The following UBR4 variants were observed in gnomAD, a reference collection of about 807,000 sequenced individuals.
UBR4 encodes the protein E3 ubiquitin-protein ligase UBR4.
UBR4 carries 124 observed loss-of-function variants against 575.6 expected under a neutral mutation model. The ratio of observed to expected loss-of-function variants is 0.22; its 90% CI spans 0.19 to 0.25. UBR4 has a LOEUF of 0.25. Ranked by LOEUF, UBR4 falls within the 10% of genes least tolerant of loss-of-function variation. The probability of loss-of-function intolerance (pLI) is 1.00; values close to 1 mark genes in which losing one functional copy is unlikely to be tolerated. For synonymous variants in UBR4, 2,455 were observed against 2,473.7 expected (o/e 0.99, Z 0.22); for missense variants, 4,818 against 6,478.8 (o/e 0.74, Z 8.80).
chr1:19,088,032 A>G lies in UBR4; in HGVS notation c.14431-103T>C. The G allele has an allele frequency of 1.2e-6, 1 of 845,332 alleles. No homozygotes were observed. The highest frequency in any genetic ancestry group is 1.9e-6 in the Non-Finnish European group (1 of 515,978). The allele number at this position is 845,332 out of a possible 1,614,324, so 52.4% of individuals were successfully genotyped here. ...CAGGGCTAACCTTCTACCTCCACTA[A>G]AAGGACAGGTGCATGAGAGGAAAGC... On this transcript the variant is annotated intron_variant, in intron 98 of 105. Transcript: ENST00000375254. The surrounding 1 kb of genome is among the most constrained non-coding windows in gnomAD (Gnocchi z 4.0).
In UBR4 at chr1:19,138,031, T is replaced by C; in HGVS notation, c.8882A>G (p.Glu2961Gly). Reference protein sequence around the residue: ...GSEGEGEGETEGDVHTSNRLH... With the variant: ...GSEGEGEGETGGDVHTSNRLH... The stretch of plus-strand genomic sequence containing the variant: ...CCTGTTGCTAGTGTGGACATCTCCT[T>C]CAGTTTCTCCTTCTCCTTCTCCCTC... Residue 2961 changes from glutamate (E) to glycine (G), a missense_variant, in exon 60 of 106, where the codon GAA becomes GGA. Transcript: ENST00000375254. The C allele has an allele frequency of 6.4e-7, 1 of 1,571,596 alleles. No individual in the cohort carries two copies. The highest frequency in any genetic ancestry group is 8.7e-7 in the Non-Finnish European group (1 of 1,153,578).
intron 39 of UBR4, 114 bp from the exon 40 acceptor site, chr1:19,158,111 T>C (rs2086694407): frequency 4.2e-6 from 5 of 1,196,232 alleles, no homozygotes; most frequent in East Asian, 2.4e-5. Flanking sequence ...TCAAAAGCAG[T>C]GATTTCGGCC....
chr1:19,184,282 A>G, intron 15 of UBR4, 107 bp from the exon 16 acceptor site: 1 of 1,177,724 alleles, frequency 8.5e-7, no homozygotes, highest in Non-Finnish European at 1.2e-6. Flanking sequence ...GTATCCTGCA[A>G]TAAACACAAT....
At chr1:19,201,688 A>C in intron 2 of UBR4, 30 bp downstream of exon 2, 1 of 1,584,046 alleles carries the variant, frequency 6.3e-7, no homozygotes, top group Admixed American at 1.7e-5. Flanking sequence ...ACAAGCCCTC[A>C]GAAGGGAAGG....
chr1:19,192,967 G>C (rs925428258), intron 9 of UBR4, among the ~76,000 whole-genome samples: 5 of 152,082 alleles, frequency 3.3e-5, no homozygotes, highest in African/African-American at 1.2e-4. Flanking sequence ...ATTTTTAGTA[G>C]AGACAGGGTT....
At chr1:19,204,546 A>G (rs937765353) in intron 1 of UBR4, among the ~76,000 whole-genome samples, 1 of 151,538 alleles carries the variant, frequency 6.6e-6, no homozygotes, top group Non-Finnish European at 1.5e-5. Context: ...ATATATATAT[A>G]TATAGGAGTA....
At chr1:19,198,747 A>G in intron 4 of UBR4, 52 bp downstream of exon 4, 1 of 1,612,516 alleles carries the variant, frequency 6.2e-7, no homozygotes, top group Non-Finnish European at 8.5e-7. Context: ...GTGCCATGGA[A>G]AAGGTGCCAT....
At chr1:19,162,384 C>T (rs758049700) in intron 35 of UBR4, 36 bp downstream of exon 35, 1 of 1,588,102 alleles carries the variant, frequency 6.3e-7, no homozygotes, top group Non-Finnish European at 8.6e-7. Flanking sequence ...TAGTCATTAC[C>T]TTGAGAGGTT....
Position 19,152,598 on chromosome 1 carries a change from A to C in UBR4, c.6833-122T>G. 1 of 1,322,390 alleles carries C rather than the reference A, an allele frequency of 7.6e-7. No homozygotes were observed. The highest frequency in any genetic ancestry group is 1.5e-5 in the African/African-American group (1 of 68,352). The allele number at this position is 1,322,390 out of a possible 1,614,324, so 81.9% of individuals were successfully genotyped here. On this transcript the variant is annotated intron_variant, in intron 46 of 105. Coordinates refer to ENST00000375254, the MANE Select transcript of UBR4 (RefSeq NM_020765.3). This position sits in a 1 kb window ranked among gnomAD's most constrained non-coding sequence, Gnocchi z 4.4. ...CTAATCTAAGCAAACTCTGGATTAT[A>C]ACATTTGCATCGGCATGATGCCTAC...
In UBR4 at chr1:19,112,594, C is replaced by G; in HGVS notation, c.11731G>C (p.Asp3911His). The change falls in exon 78 of 106, where the codon GAT (aspartate) becomes CAT (histidine). Residue 3911 changes from aspartate to histidine, a missense_variant. This residue lies in a region of UBR4 where 333 missense variants were observed against 459.2 expected (regional missense o/e 0.73). Transcript: ENST00000375254. ...VSQGLIRELF[D>H]YNLRRGAAAM... ...GCAGCCCCTCGGCGAAGATTATAAT[C>G]AAAGAGCTCCCGGATAAGGCCCTGG... 6.2e-7 allele frequency: 1 copy of G among 1,614,244 alleles called. No individual in the cohort carries two copies.
rs1394182099 is a variant in UBR4, at chr1:19,201,492, G to A, written c.274+226C>T. Among the ~76,000 whole-genome samples, 5 of 152,314 alleles carry A rather than the reference G, an allele frequency of 3.3e-5. No individual in the cohort carries two copies. In the East Asian group the frequency reaches 9.6e-4, roughly 29 times the overall value. On this transcript the variant is annotated intron_variant, in intron 2 of 105. Transcript: ENST00000375254. ...AGGAGGTGGACTTAATACTTATAAA[G>A]CAGGTGTCCAAGCCAAGTAGTTTTA...
Position 19,076,855 on chromosome 1 carries a change from A to G in UBR4, c.15372T>C (p.Ala5124=). ...GCATGTCGTTGTGGCGGATGTACTC[A>G]GCGAGAGAGCAGGACCAGCCTCCCT... ...NTEGGWSCSL[A]EYIRHNDMPI... The change falls in exon 105 of 106, where the codon GCT becomes GCC. Residue 5124 remains alanine, a synonymous_variant. Transcript: ENST00000375254. 6.2e-7 allele frequency: 1 copy of G among 1,609,220 alleles called. No individual in the cohort carries two copies. Among genetic ancestry groups the G allele is most frequent in the South Asian group, 1.1e-5 (1 of 90,370 alleles).
In UBR4 at chr1:19,081,495, G is replaced by A. The variant is rs1179880960; in HGVS notation, c.15087C>T (p.Ala5029=). 1 of 1,613,804 alleles carries A rather than the reference G, an allele frequency of 6.2e-7. No homozygotes were observed. The highest frequency in any genetic ancestry group is 1.3e-5 in the African/African-American group (1 of 74,796). The part of the protein sequence containing the change: ...EQPKEKWVES[A]FEVDGPYYFT... ...AATAGTAGGGCCCGTCCACTTCAAAGGCACTCTCCACCCACTTCTCCTTGG... is the reference window on the plus strand; with the variant it reads ...AATAGTAGGGCCCGTCCACTTCAAAAGCACTCTCCACCCACTTCTCCTTGG... Residue 5029 remains alanine, a synonymous_variant, in exon 103 of 106, where the codon GCC becomes GCT. Transcript: ENST00000375254.
intron 64 of UBR4, 85 bp downstream of exon 64, chr1:19,126,361 C>T: frequency 1.3e-6 from 2 of 1,525,270 alleles, no homozygotes; most frequent in Admixed American, 1.7e-5. Flanking sequence ...TCACCCTCAG[C>T]CCCTTGAGCT....
At chr1:19,185,855 C>G (rs2091478065) in intron 14 of UBR4, among the ~76,000 whole-genome samples, 1 of 152,106 alleles carries the variant, frequency 6.6e-6, no homozygotes, top group Non-Finnish European at 1.5e-5. Context: ...CAGGTGTGAG[C>G]CACCGCGCCC....
chr1:19,082,703 G>A (rs1013840897), intron 102 of UBR4, among the ~76,000 whole-genome samples: 1 of 152,210 alleles, frequency 6.6e-6, no homozygotes, highest in Non-Finnish European at 1.5e-5. Context: ...TGGGAAAGCA[G>A]GAGGAGAGGG....
intron 90 of UBR4, among the ~76,000 whole-genome samples, chr1:19,098,178 T>G (rs551467766): frequency 6.6e-6 from 1 of 152,208 alleles, no homozygotes; most frequent in Non-Finnish European, 1.5e-5. Flanking sequence ...GAAAGGCCAG[T>G]TGCAGAAGTG....
intron 70 of UBR4, 142 bp from the exon 71 acceptor site, chr1:19,119,099 A>G (rs79987209): frequency 1.4e-6 from 1 of 696,736 alleles, no homozygotes; most frequent in East Asian, 2.7e-5. Context: ...GCTGGGCCTA[A>G]TTTCAATCAT....
At chr1:19,128,719 CAG>C (rs1167205000) in intron 61 of UBR4, among the ~76,000 whole-genome samples, 1 of 152,216 alleles carries the variant, frequency 6.6e-6, no homozygotes, top group Non-Finnish European at 1.5e-5. Flanking sequence ...ACTAGAGACT[CAG>C]AATCTCAGAA....
Sources: gnomAD v4.1 joint callset for allele counts (sites outside exome capture counted in the v4.1 genomes callset) on GRCh38, gnomAD v4.1.1 for gene constraint, gnomAD v4.1.1 regional missense constraint, Gnocchi (gnomAD v3.1) non-coding constraint, MANE v1.5 for transcripts, NCBI Gene and HGNC (gene_info 2026-07-23, HGNC 2026-07-21) for gene names.